Variants in MRE11 observed in about 807,000 individuals in gnomAD.
MRE11 encodes double-strand break repair protein MRE11.
MRE11 carries 62 observed loss-of-function variants against 91.7 expected under a neutral mutation model. The observed-to-expected ratio is 0.68, with a 90% confidence interval of 0.55 to 0.84. The LOEUF is 0.84. MRE11 is among the 40% of genes least tolerant of loss of function. MRE11 has a pLI of 0.00. For missense variants in MRE11, 796 were observed against 852.9 expected (o/e 0.93, Z 0.83); for synonymous variants, 273 against 271.4 (o/e 1.01, Z -0.06).
intron 16 of MRE11, among the ~76,000 whole-genome samples, chr11:94,444,846 T>C (rs887690141): frequency 2.6e-5 from 4 of 151,520 alleles, no homozygotes; most frequent in Non-Finnish European, 5.9e-5. Context: ...AAAATATTTA[T>C]AATTATAAAA....
chr11:94,445,747 G>A, intron 16 of MRE11, 63 bp downstream of exon 16: 1 of 1,184,752 alleles, frequency 8.4e-7, no homozygotes, highest in South Asian at 1.2e-5. Context: ...GGCTACCAAT[G>A]GTGATTACCT....
intron 11 of MRE11, 113 bp downstream of exon 11, chr11:94,463,999 AG>A: frequency 8.5e-7 from 1 of 1,175,128 alleles, no homozygotes; most frequent in Non-Finnish European, 1.2e-6. Context: ...AATTTGTTTA[AG>A]ACATTACAAT....
chr11:94,461,402 C>T (rs1357134730), intron 11 of MRE11, among the ~76,000 whole-genome samples: 1 of 152,178 alleles, frequency 6.6e-6, no homozygotes, highest in Non-Finnish European at 1.5e-5. Flanking sequence ...ACTGACGATG[C>T]AAAAGCAATC....
intron 9 of MRE11, among the ~76,000 whole-genome samples, chr11:94,469,591 G>A (rs989455429): frequency 4.6e-5 from 7 of 152,072 alleles, no homozygotes; most frequent in Non-Finnish European, 7.4e-5. Context: ...TGAAACAAGC[G>A]TACACTTTTG....
At chr11:94,479,605 T>C (rs1488903126) in intron 5 of MRE11, 69 bp downstream of exon 5, 3 of 1,360,974 alleles carry the variant, frequency 2.2e-6, no homozygotes, top group African/African-American at 2.8e-5. Context: ...AGGGAAGGCA[T>C]GCTTTCCACA....
rs1554996390 is a variant in MRE11, at chr11:94,419,461, A to AGAGG, written c.*660_*663dup. The AGAGG allele has an allele frequency of 0.01, 2,263 of 218,512 alleles. 30 individuals are homozygous for AGAGG. The highest frequency in any genetic ancestry group is 0.034 in the Middle Eastern group (25 of 742). 13.5% of individuals were successfully genotyped at this position (218,512 alleles called of 1,614,324 possible). ...AAAGGAAGAGTGGGGAACGGGGGGG[A>AGAGG]GAGGGAGAGAGAGAGAGAGAGAGAG... On this transcript the variant is annotated 3_prime_UTR_variant, in exon 20 of 20. Transcript: ENST00000323929.
chr11:94,459,846 C>A (rs1180487607), intron 12 of MRE11, among the ~76,000 whole-genome samples: 2 of 152,030 alleles, frequency 1.3e-5, no homozygotes, highest in Non-Finnish European at 2.9e-5. Flanking sequence ...ATGAAATTAA[C>A]CAGTGTCATA....
intron 16 of MRE11, among the ~76,000 whole-genome samples, chr11:94,438,944 G>T (rs2134852420): frequency 1.3e-5 from 2 of 152,264 alleles, no homozygotes; most frequent in Middle Eastern, 6.8e-3. Context: ...ACCCATAGTG[G>T]TATAAATGAA....
rs372657126 is a variant in MRE11, at chr11:94,464,148, T to C, written c.1190A>G (p.His397Arg). ...CTTTTGTTCTCTATGCCTGAAAAAATGGATAATGTCTTTTGGATTAGCTAC... is the reference window on the plus strand; with the variant it reads ...CTTTTGTTCTCTATGCCTGAAAAAACGGATAATGTCTTTTGGATTAGCTAC... Reference protein sequence around the residue: ...DRVANPKDIIHFFRHREQKEK... With the variant: ...DRVANPKDIIRFFRHREQKEK... The change falls in exon 11 of 20, where the codon CAT becomes CGT. Residue 397 changes from histidine (H) to arginine (R), a missense_variant. Transcript: ENST00000323929. 4 of 1,613,856 alleles carry C rather than the reference T, an allele frequency of 2.5e-6. No homozygotes were observed. Among genetic ancestry groups the C allele is most frequent in the Non-Finnish European group, 3.4e-6 (4 of 1,179,898 alleles).
chr11:94,497,192 A>G (rs971719485), upstream of MRE11: 11 of 577,692 alleles, frequency 1.9e-5, no homozygotes, highest in African/African-American at 1.7e-4. Flanking sequence ...AATCATTTAT[A>G]TAAAGTCATT....
chr11:94,470,027 C>A (rs1946665161), intron 9 of MRE11, among the ~76,000 whole-genome samples: 1 of 152,008 alleles, frequency 6.6e-6, no homozygotes, highest in Admixed American at 6.6e-5. Flanking sequence ...GGATAGCAAA[C>A]ACATTTTTCA....
chr11:94,455,702 A>G lies in MRE11; in HGVS notation c.1563+574T>C, dbSNP rs13447690. ...GATAATAGAAATTGTCTATTTGCCC[A>G]TGCTTGCTTACTTATGGTTAACATT... On this transcript the variant is annotated intron_variant, in intron 14 of 19. Transcript: ENST00000323929. 7.1e-3 allele frequency among the ~76,000 whole-genome samples: 1,074 copies of G among 152,294 alleles called. 6 individuals carry two copies. Among genetic ancestry groups the G allele is most frequent in the South Asian group, 0.02 (97 of 4,828 alleles).
the MRE11 span, among the ~76,000 whole-genome samples, chr11:94,499,960 G>A: frequency 6.6e-6 from 1 of 152,248 alleles, no homozygotes; most frequent in South Asian, 2.1e-4. Context: ...GATAATATAT[G>A]AACTGAATCA....
At chr11:94,440,950 T>C (rs779952459) in intron 16 of MRE11, among the ~76,000 whole-genome samples, 5 of 152,192 alleles carry the variant, frequency 3.3e-5, no homozygotes, top group Non-Finnish European at 7.3e-5. Context: ...AACAGTCAAT[T>C]CACAATCCAA....
intron 16 of MRE11, among the ~76,000 whole-genome samples, chr11:94,440,679 G>C (rs537188735): frequency 6.6e-6 from 1 of 152,322 alleles, no homozygotes; most frequent in South Asian, 2.1e-4. Context: ...TGGAGCCCCA[G>C]TGGTTGAAGA....
At chr11:94,477,030 T>C (rs1464330043) in intron 6 of MRE11, among the ~76,000 whole-genome samples, 4 of 152,228 alleles carry the variant, frequency 2.6e-5, no homozygotes, top group African/African-American at 9.7e-5. Context: ...TGTTCCAGGT[T>C]CTTGATAACA....
At chr11:94,430,077 C>T in intron 18 of MRE11, 91 bp from the exon 19 acceptor site, 2 of 1,179,170 alleles carry the variant, frequency 1.7e-6, no homozygotes, top group Non-Finnish European at 1.3e-6. Context: ...CCAGCAGCTG[C>T]CACGAATATA....
At chr11:94,421,206 A>C (rs1945163396) in intron 19 of MRE11, among the ~76,000 whole-genome samples, 1 of 152,338 alleles carries the variant, frequency 6.6e-6, no homozygotes, top group Admixed American at 6.5e-5. Flanking sequence ...GTATTCTATA[A>C]ATATTCAGAA....
chr11:94,503,887 A>T, the MRE11 span, among the ~76,000 whole-genome samples: 49 of 150,158 alleles, frequency 3.3e-4, no homozygotes, highest in Non-Finnish European at 6.4e-4. Flanking sequence ...ACAGTGTAGT[A>T]TTGGTGGATG....
Sources: allele counts gnomAD v4.1 joint callset (sites outside exome capture counted in the v4.1 genomes callset), GRCh38; gene constraint gnomAD v4.1.1; transcripts MANE v1.5; gene names NCBI Gene and HGNC (gene_info 2026-07-23, HGNC 2026-07-21).